LHPP: variants seen among roughly 807,000 people sequenced by gnomAD.
The protein encoded by LHPP is phospholysine phosphohistidine inorganic pyrophosphate phosphatase, also known as hLHPP.
A neutral mutation model predicts 30.3 loss-of-function variants in LHPP; 24 were observed. The ratio of observed to expected loss-of-function variants is 0.79; its 90% CI spans 0.57 to 1.11. The LOEUF (loss-of-function observed/expected upper bound fraction) is 1.11. Ranked by LOEUF, LHPP falls within the 50% of genes most tolerant of loss-of-function variation. The probability of loss-of-function intolerance (pLI) is 0.00; values close to 1 mark genes in which losing one functional copy is unlikely to be tolerated. For synonymous variants in LHPP, 150 were observed against 157.1 expected (o/e 0.95, Z 0.34); for missense variants, 356 against 367.2 (o/e 0.97, Z 0.25).
intron 1 of LHPP, among the ~76,000 whole-genome samples, chr10:124,477,196 C>G (rs995017650): frequency 4.6e-5 from 7 of 152,186 alleles, no homozygotes; most frequent in Non-Finnish European, 8.8e-5. Context: ...GAGTGAGACT[C>G]TGTCTCAAAA....
At chr10:124,482,138 G>A (rs969674770) in intron 1 of LHPP, among the ~76,000 whole-genome samples, 1 of 152,190 alleles carries the variant, frequency 6.6e-6, no homozygotes, top group African/African-American at 2.4e-5. Context: ...GGTCTCACTT[G>A]CTCAGATGGA....
At chr10:124,507,059 TGTAGGGGTAGA>T (rs1954123818) in intron 5 of LHPP, among the ~76,000 whole-genome samples, 1 of 7,780 alleles carries the variant, frequency 1.3e-4, no homozygotes, top group Non-Finnish European at 2.1e-4. Flanking sequence ...GGATTTCAGG[TGTAGGGGTAGA>T]CAGGATTTCA....
chr10:124,508,116 G>C (rs1386373994), intron 5 of LHPP, among the ~76,000 whole-genome samples: 1 of 151,948 alleles, frequency 6.6e-6, no homozygotes, highest in Non-Finnish European at 1.5e-5. Context: ...GTACCCCTAG[G>C]GGGAGGCTGG....
In LHPP at chr10:124,596,820, T is replaced by A. The variant is rs1052012634; in HGVS notation, c.717-16444T>A. Among the ~76,000 whole-genome samples, 1 of 152,242 alleles carries A rather than the reference T, an allele frequency of 6.6e-6. No homozygotes were observed. Among genetic ancestry groups the A allele is most frequent in the African/African-American group, 2.4e-5 (1 of 41,540 alleles). ...TGGTGAATATGAGGTGTCAACCTGATTGGATTGAAGGATGCCTAGATGGCT... is the reference window on the plus strand; with the variant it reads ...TGGTGAATATGAGGTGTCAACCTGAATGGATTGAAGGATGCCTAGATGGCT... On this transcript the variant is annotated intron_variant, in intron 6 of 6. Coordinates refer to ENST00000368842, the MANE Select transcript of LHPP (RefSeq NM_022126.4). This position sits in a 1 kb window ranked among gnomAD's most constrained non-coding sequence, Gnocchi z 4.6.
chr10:124,482,775 C>T (rs1953181216), intron 1 of LHPP, among the ~76,000 whole-genome samples: 1 of 152,208 alleles, frequency 6.6e-6, no homozygotes, highest in South Asian at 2.1e-4. Flanking sequence ...CCTCCCCTGA[C>T]CTTCCTACCC....
chr10:124,581,381 G>A (rs4962663), intron 6 of LHPP, among the ~76,000 whole-genome samples: 53,237 of 151,796 alleles, frequency 0.35, 9,538 homozygotes, highest in East Asian at 0.48. Context: ...AAGTTTTTGT[G>A]TGGACATAGG....
Position 124,517,356 on chromosome 10 carries a change from G to A in LHPP, c.716+85G>A. The A allele has an allele frequency of 5.7e-6, 5 of 883,358 alleles. No individual in the cohort carries two copies. The highest frequency in any genetic ancestry group is 8.3e-6 in the Non-Finnish European group (5 of 599,690). 54.7% of individuals were successfully genotyped at this position (883,358 alleles called of 1,614,324 possible). On this transcript the variant is annotated intron_variant, in intron 6 of 6. Transcript: ENST00000368842. The surrounding 1 kb of genome is among the most constrained non-coding windows in gnomAD (Gnocchi z 4.1). The stretch of plus-strand genomic sequence containing the variant: ...TCTGTTTTGTTCTTCAAAATAAAGG[G>A]GATATTCTTTCCAAATCAAAGAGCA...
At chr10:124,535,526 G>T (rs946340409) in intron 6 of LHPP, among the ~76,000 whole-genome samples, 2 of 152,110 alleles carry the variant, frequency 1.3e-5, no homozygotes, top group South Asian at 2.1e-4. Flanking sequence ...CTCCCAAGTA[G>T]CCGGGACTAT....
At chr10:124,486,704 T>TTAGCGA (rs1282171906) in intron 2 of LHPP, among the ~76,000 whole-genome samples, 7 of 152,342 alleles carry the variant, frequency 4.6e-5, no homozygotes, top group Non-Finnish European at 8.8e-5. Context: ...GTGACTGACT[T>TTAGCGA]TAGCGACTCA....
At chr10:124,494,976 C>T (rs1024835343) in intron 3 of LHPP, among the ~76,000 whole-genome samples, 5 of 152,160 alleles carry the variant, frequency 3.3e-5, no homozygotes, top group South Asian at 2.1e-4. Context: ...CCCCAGGACC[C>T]GGTGTCCCCT....
chr10:124,531,949 A>G (rs542888237), intron 6 of LHPP, among the ~76,000 whole-genome samples: 1 of 152,252 alleles, frequency 6.6e-6, no homozygotes, highest in East Asian at 1.9e-4. Context: ...CTGGTGTTTT[A>G]CTTTAAGGAA....
At chr10:124,494,515 C>T (rs1018934503) in intron 3 of LHPP, among the ~76,000 whole-genome samples, 1 of 152,194 alleles carries the variant, frequency 6.6e-6, no homozygotes, top group African/African-American at 2.4e-5. Flanking sequence ...GAGGCCCTCC[C>T]TACCCACCTC....
chr10:124,462,126 G>T, intron 1 of LHPP, 139 bp downstream of exon 1: 1 of 812,168 alleles, frequency 1.2e-6, no homozygotes, highest in Non-Finnish European at 1.6e-6. Flanking sequence ...CCACCCCGGT[G>T]CGCGCACAGT....
chr10:124,590,238 G>C lies in LHPP; in HGVS notation c.717-23026G>C, dbSNP rs528890590. The stretch of plus-strand genomic sequence containing the variant: ...TGAGCATTATTGGGGGTGGGGTGCG[G>C]AGCAGGCACTGGCTTTGGTTGAGGT... On this transcript the variant is annotated intron_variant, in intron 6 of 6. Coordinates refer to ENST00000368842, the MANE Select transcript of LHPP (RefSeq NM_022126.4). This position sits in a 1 kb window ranked among gnomAD's most constrained non-coding sequence, Gnocchi z 4.3. Among the ~76,000 whole-genome samples, 2 of 152,086 alleles carry C rather than the reference G, an allele frequency of 1.3e-5. No individual in the cohort carries two copies. The highest frequency in any genetic ancestry group is 4.8e-5 in the African/African-American group (2 of 41,414).
chr10:124,487,259 T>G (rs1322604164), intron 2 of LHPP, among the ~76,000 whole-genome samples: 1 of 152,188 alleles, frequency 6.6e-6, no homozygotes, highest in Non-Finnish European at 1.5e-5. Flanking sequence ...GGTACATGTA[T>G]GTTCACCTTT....
At chr10:124,568,848 T>C (rs571200773) in intron 6 of LHPP, among the ~76,000 whole-genome samples, 2 of 152,328 alleles carry the variant, frequency 1.3e-5, no homozygotes, top group South Asian at 4.1e-4. Flanking sequence ...GGTGGCCTTT[T>C]CTGTGTGCTA....
At chr10:124,577,603 C>G (rs904009775) in intron 6 of LHPP, among the ~76,000 whole-genome samples, 1 of 143,912 alleles carries the variant, frequency 6.9e-6, no homozygotes, top group Non-Finnish European at 1.6e-5. Context: ...AAATGTCACC[C>G]TGTGGTCATC....
At chr10:124,490,430 C>A in intron 3 of LHPP, 1 of 331,922 alleles carries the variant, frequency 3.0e-6, no homozygotes, top group Non-Finnish European at 6.4e-6. Context: ...ACCTGAGAGA[C>A]TGCCTGGCCT....
chr10:124,466,974 A>G (rs1251709773), intron 1 of LHPP, among the ~76,000 whole-genome samples: 1 of 151,628 alleles, frequency 6.6e-6, no homozygotes, highest in African/African-American at 2.4e-5. Context: ...AAATACAAAA[A>G]TTAGCCGGGC....
Sources: gnomAD v4.1 joint callset for allele counts (sites outside exome capture counted in the v4.1 genomes callset) on GRCh38, gnomAD v4.1.1 for gene constraint, Gnocchi (gnomAD v3.1) non-coding constraint, MANE v1.5 for transcripts, NCBI Gene and HGNC (gene_info 2026-07-23, HGNC 2026-07-21) for gene names.